Variants in EML1 observed in about 807,000 individuals in gnomAD.
EML1 encodes the protein echinoderm microtubule-associated protein-like 1.
Under a neutral mutation model 110.4 loss-of-function variants are expected in EML1, and 27 were observed. That is an observed-to-expected ratio of 0.24 (90% CI 0.18 to 0.34). The LOEUF (loss-of-function observed/expected upper bound fraction) is 0.34, where lower values mean the gene tolerates loss of function less well. Among genes scored for constraint, EML1 ranks in the 10% least tolerant of loss-of-function variants. EML1 has a pLI of 1.00. For missense variants in EML1, 741 were observed against 1,030.9 expected, an observed-to-expected ratio of 0.72 and a Z score of 3.85; for synonymous variants, 344 against 385.8, an observed-to-expected ratio of 0.89 and a Z score of 1.27.
At chr14:99,850,786 AGAGT>A in intron 1 of EML1, 63 bp from the exon 2 acceptor site, 1 of 1,534,054 alleles carries the variant, frequency 6.5e-7, no homozygotes, top group South Asian at 1.2e-5. Flanking sequence ...CATGCTAGAT[AGAGT>A]ATGTTTATAG....
rs780966159 is a variant in EML1, at chr14:99,909,506, T to C, written c.1239+27T>C. The C allele has an allele frequency of 2.5e-6, 4 of 1,613,712 alleles. No individual in the cohort carries two copies. In the South Asian group the frequency reaches 4.4e-5, roughly 18 times the overall value. On this transcript the variant is annotated intron_variant, in intron 11 of 21. Coordinates refer to ENST00000262233, the MANE Select transcript of EML1 (RefSeq NM_004434.3). The stretch of plus-strand genomic sequence containing the variant: ...TAAAGTTAAATTATGATTTTTGCTT[T>C]ATTTTTCTCTCGTATATGTGATTGG...
intron 1 of EML1, among the ~76,000 whole-genome samples, chr14:99,843,398 G>A (rs926562559): frequency 2.3e-4 from 35 of 150,388 alleles, no homozygotes; most frequent in African/African-American, 7.4e-4. Context: ...TGTTAAACTT[G>A]GATTTGTTTT....
chr14:99,909,288 A>G (rs1344384152), intron 10 of EML1, 57 bp from the exon 11 acceptor site: 5 of 1,612,832 alleles, frequency 3.1e-6, no homozygotes, highest in East Asian at 2.2e-5. Context: ...GTTTTCCTAC[A>G]TGTCTCTTAC....
intron 2 of EML1, among the ~76,000 whole-genome samples, chr14:99,853,469 G>T (rs2058847949): frequency 6.6e-6 from 1 of 152,038 alleles, no homozygotes; most frequent in Non-Finnish European, 1.5e-5. Flanking sequence ...CAGCTGCCAC[G>T]TGGGCACTTG....
chr14:99,815,333 G>C (rs775486804), intron 1 of EML1, among the ~76,000 whole-genome samples: 4 of 151,916 alleles, frequency 2.6e-5, no homozygotes, highest in Non-Finnish European at 5.9e-5. Context: ...AATAGAGACG[G>C]GGTTTCACTG....
At chr14:99,769,335 C>G (rs2057399224), upstream of EML1, among the ~76,000 whole-genome samples, 1 of 152,200 alleles carries the variant, frequency 6.6e-6, no homozygotes, top group African/African-American at 2.4e-5. Context: ...GGATCATTTT[C>G]TCCCATCACA....
upstream of EML1, among the ~76,000 whole-genome samples, chr14:99,770,779 A>ATTTTTTTTTTTTTTTTTTTTTTTTTTTT (rs34744469): frequency 3.9e-4 from 36 of 91,636 alleles, 6 homozygotes; most frequent in East Asian, 8.4e-4. Context: ...GTTTCCGCTG[A>ATTTTTTTTTTTTTTTTTTTTTTTTTTTT]TTTTTTTTTT....
intron 1 of EML1, among the ~76,000 whole-genome samples, chr14:99,814,322 G>C (rs2058131196): frequency 2.0e-5 from 3 of 152,162 alleles, no homozygotes; most frequent in Admixed American, 1.3e-4. Flanking sequence ...TCAGGCTGGA[G>C]TGCAGTTTCT....
At chr14:99,920,950 G>C in intron 17 of EML1, 73 bp downstream of exon 17, 1 of 1,424,798 alleles carries the variant, frequency 7.0e-7, no homozygotes, top group South Asian at 1.2e-5. Context: ...TCCATGTGCA[G>C]GATGTGTCGG....
intron 1 of EML1, among the ~76,000 whole-genome samples, chr14:99,761,582 G>A (rs1301812823): frequency 6.6e-6 from 1 of 152,122 alleles, no homozygotes; most frequent in Non-Finnish European, 1.5e-5. Flanking sequence ...TGGTGTGGGA[G>A]AATGCAGAAT....
chr14:99,908,834 CG>C (rs1421980055), intron 10 of EML1, among the ~76,000 whole-genome samples: 9 of 152,142 alleles, frequency 5.9e-5, no homozygotes, highest in Non-Finnish European at 1.0e-4. Context: ...GAGTCAGCCA[CG>C]AACAATGGAC....
rs112232539 is a variant in EML1 at position 99,739,091 on chromosome 14, T to TGTGTGA, written c.28+1232_28+1233insTGTGAG. Among the ~76,000 whole-genome samples, 233 of 136,496 alleles carry TGTGTGA rather than the reference T, an allele frequency of 1.7e-3. 2 individuals are homozygous for TGTGTGA. The highest frequency in any genetic ancestry group is 6.3e-3 in the African/African-American group (221 of 35,156). The allele number at this position is 136,496 out of a possible 152,430, so 89.5% of individuals were successfully genotyped here. On this transcript the variant is annotated intron_variant, in intron 1 of 10. Transcript: ENST00000554479. ...GTGTGTGTGTGTGTGTGTGTGTGTG[T>TGTGTGA]GAGAGAGAGAGACAGAGAGAGAGAG...
Position 99,827,288 on chromosome 14 carries a change from G to A in EML1, c.68-23565G>A, listed in dbSNP as rs1234352319. ...AGGGAGAAGATGGCCAGCGAGAGAG[G>A]CCTCAGAAGAAACTAGCGTAACTGG... On this transcript the variant is annotated intron_variant, in intron 1 of 21. Coordinates refer to ENST00000262233, the MANE Select transcript of EML1 (RefSeq NM_004434.3). This position sits in a 1 kb window ranked among gnomAD's most constrained non-coding sequence, Gnocchi z 4.4. Among the ~76,000 whole-genome samples the A allele has an allele frequency of 6.6e-6, 1 of 152,084 alleles. No homozygotes were observed. Among genetic ancestry groups the A allele is most frequent in the African/African-American group, 2.4e-5 (1 of 41,396 alleles).
At chr14:99,757,113 G>A (rs1248843098) in intron 1 of EML1, among the ~76,000 whole-genome samples, 1 of 152,230 alleles carries the variant, frequency 6.6e-6, no homozygotes, top group Non-Finnish European at 1.5e-5. Flanking sequence ...GCCGAGGCGG[G>A]AGGATCACCT....
chr14:99,872,569 G>C (rs1162590103), intron 3 of EML1, among the ~76,000 whole-genome samples: 1 of 152,166 alleles, frequency 6.6e-6, no homozygotes, highest in East Asian at 1.9e-4. Flanking sequence ...TCTGGGTTTT[G>C]AGTGAAAGTG....
chr14:99,914,662 GTGGGTC>G lies in EML1; in HGVS notation c.1718_1723del (p.Val573_His575delinsAsp). Reference sequence around the variant, plus strand: ...CAAGCATGCCACTCTCTGGGACGCTGTGGGTCACCGTCCCGTCTGGGACAAAATAAT... The same window carrying G: ...CAAGCATGCCACTCTCTGGGACGCTGACCGTCCCGTCTGGGACAAAATAAT... On this transcript the variant is annotated inframe_deletion, in exon 15 of 22. Coordinates refer to ENST00000262233, the MANE Select transcript of EML1 (RefSeq NM_004434.3). 1 of 1,610,522 alleles carries G rather than the reference GTGGGTC, an allele frequency of 6.2e-7. No individual in the cohort carries two copies. The highest frequency in any genetic ancestry group is 8.5e-7 in the Non-Finnish European group (1 of 1,179,332).
intron 20 of EML1, among the ~76,000 whole-genome samples, chr14:99,938,663 C>T (rs771559214): frequency 2.6e-5 from 4 of 152,244 alleles, no homozygotes; most frequent in Non-Finnish European, 5.9e-5. Flanking sequence ...CTCAGGGATG[C>T]AGAGCCTGGA....
intron 1 of EML1, among the ~76,000 whole-genome samples, chr14:99,817,537 A>C (rs1300971010): frequency 6.6e-6 from 1 of 152,214 alleles, no homozygotes; most frequent in Non-Finnish European, 1.5e-5. Flanking sequence ...CAGGTGTCAC[A>C]CAACGACAAA....
intron 4 of EML1, 32 bp from the exon 5 acceptor site, chr14:99,891,167 C>G (rs770402957): frequency 6.2e-7 from 1 of 1,614,114 alleles, no homozygotes; most frequent in Non-Finnish European, 8.5e-7. Flanking sequence ...CCACAGCACC[C>G]TTTAAAAACT....
Sources: gnomAD v4.1 joint callset for allele counts (sites outside exome capture counted in the v4.1 genomes callset) on GRCh38, gnomAD v4.1.1 for gene constraint, Gnocchi (gnomAD v3.1) non-coding constraint, MANE v1.5 for transcripts, NCBI Gene and HGNC (gene_info 2026-07-23, HGNC 2026-07-21) for gene names.